Variants in ADGRL3 observed in about 807,000 individuals in gnomAD.
The protein encoded by ADGRL3 is adhesion G protein-coupled receptor L3, also known as calcium-independent alpha-latrotoxin receptor 3.
A neutral mutation model predicts 153.5 loss-of-function variants in ADGRL3; 62 were observed. The ratio of observed to expected loss-of-function variants is 0.40; its 90% CI spans 0.33 to 0.50. ADGRL3 has a LOEUF of 0.50. ADGRL3 is among the 20% of genes least tolerant of loss of function. The probability of loss-of-function intolerance (pLI) is 0.47; values close to 1 mark genes in which losing one functional copy is unlikely to be tolerated. For missense variants in ADGRL3, 1,641 were observed against 1,859.4 expected, an observed-to-expected ratio of 0.88 and a Z score of 2.16; for synonymous variants, 710 against 672.5, an observed-to-expected ratio of 1.06 and a Z score of -0.86.
At chr4:61,744,831 G>A (rs1200359710) in intron 8 of ADGRL3, among the ~76,000 whole-genome samples, 1 of 152,222 alleles carries the variant, frequency 6.6e-6, no homozygotes, top group African/African-American at 2.4e-5. Context: ...AAGGAATGCA[G>A]CTCCTCACCA....
intron 8 of ADGRL3, among the ~76,000 whole-genome samples, chr4:61,805,355 C>G (rs878972630): frequency 6.6e-6 from 1 of 152,222 alleles, no homozygotes; most frequent in Admixed American, 6.5e-5. Context: ...TTTTTCTTAG[C>G]CTGCCAAGAT....
chr4:61,439,255 TG>T (rs1351668628), intron 2 of ADGRL3, among the ~76,000 whole-genome samples: 1 of 152,166 alleles, frequency 6.6e-6, no homozygotes, highest in Admixed American at 6.5e-5. Flanking sequence ...ATTTATTAAT[TG>T]TGAGGCCACT....
intron 1 of ADGRL3, among the ~76,000 whole-genome samples, chr4:61,339,211 G>A (rs149044848): frequency 2.1e-4 from 32 of 152,192 alleles, no homozygotes; most frequent in African/African-American, 6.3e-4. Flanking sequence ...GGTTTATTTT[G>A]AGGTTTGATG....
chr4:61,907,959 T>C (rs2149792878), intron 11 of ADGRL3, among the ~76,000 whole-genome samples: 1 of 152,242 alleles, frequency 6.6e-6, no homozygotes, highest in East Asian at 1.9e-4. Context: ...GGAGTTACTG[T>C]GGTTGGAAGG....
At chr4:61,540,346 C>G (rs922137047) in intron 4 of ADGRL3, among the ~76,000 whole-genome samples, 6 of 152,036 alleles carry the variant, frequency 3.9e-5, no homozygotes, top group African/African-American at 1.4e-4. Context: ...GTCAGGAGTT[C>G]AACACCAGCC....
chr4:61,427,421 A>G (rs372743368), intron 2 of ADGRL3: 1 of 152,930 alleles, frequency 6.5e-6, no homozygotes, highest in Admixed American at 6.5e-5. Context: ...CAACTTTTCC[A>G]TTTCAGAGGC....
intron 1 of ADGRL3, among the ~76,000 whole-genome samples, chr4:61,294,127 G>C (rs1414403197): frequency 6.6e-6 from 1 of 152,082 alleles, no homozygotes; most frequent in Non-Finnish European, 1.5e-5. Context: ...ATCTTGTTCT[G>C]AGCTAGCTGT....
intron 1 of ADGRL3, among the ~76,000 whole-genome samples, chr4:61,356,573 A>G (rs544805774): frequency 6.6e-6 from 1 of 152,072 alleles, no homozygotes; most frequent in Admixed American, 6.5e-5. Flanking sequence ...GCACTTTGTA[A>G]TACTGCAGTG....
At chr4:62,049,383 AT>A (rs1732914720) in intron 25 of ADGRL3, among the ~76,000 whole-genome samples, 1 of 152,100 alleles carries the variant, frequency 6.6e-6, no homozygotes, top group African/African-American at 2.4e-5. Context: ...ACACAAGTTA[AT>A]TTGATTTAGA....
At chr4:61,266,865 C>T (rs988270121) in intron 1 of ADGRL3, among the ~76,000 whole-genome samples, 1 of 151,556 alleles carries the variant, frequency 6.6e-6, no homozygotes. Flanking sequence ...AGGAACGTTG[C>T]TGCAATAAGG....
intron 9 of ADGRL3, among the ~76,000 whole-genome samples, chr4:61,826,434 C>G (rs1289597083): frequency 6.6e-6 from 1 of 152,106 alleles, no homozygotes; most frequent in Admixed American, 6.6e-5. Context: ...ATGGAGTACA[C>G]ATTCTAGACA....
intron 2 of ADGRL3, among the ~76,000 whole-genome samples, chr4:61,415,764 C>CT (rs573774932): frequency 7.9e-5 from 12 of 151,666 alleles, no homozygotes; most frequent in East Asian, 1.9e-4. Context: ...ACTAAATTAT[C>CT]TTTTTTTTCA....
At position 61,733,139 on chromosome 4, in the gene ADGRL3, A is replaced by T; in HGVS notation, c.984A>T (p.Lys328Asn). ...HDTSPYRWGGKSDIDLAVDEN... is the reference protein window; with the variant it reads ...HDTSPYRWGGNSDIDLAVDEN... Reference sequence around the variant, plus strand: ...CCTCCCCTTACCGATGGGGAGGCAAATCTGACATAGACCTGGCAGTAGATG... The same window carrying T: ...CCTCCCCTTACCGATGGGGAGGCAATTCTGACATAGACCTGGCAGTAGATG... The change falls in exon 8 of 27, where the codon AAA becomes AAT. Residue 328 changes from lysine (K) to asparagine (N), a missense_variant. Lys to Asn is a moderately conservative substitution (Grantham distance 94). Coordinates refer to ENST00000683033, the MANE Select transcript of ADGRL3 (RefSeq NM_001387552.1). 1 of 1,613,280 alleles carries T rather than the reference A, an allele frequency of 6.2e-7. No individual in the cohort carries two copies. The highest frequency in any genetic ancestry group is 8.5e-7 in the Non-Finnish European group (1 of 1,179,610).
intron 8 of ADGRL3, among the ~76,000 whole-genome samples, chr4:61,745,271 T>C (rs963023367): frequency 6.6e-6 from 1 of 152,172 alleles, no homozygotes; most frequent in East Asian, 1.9e-4. Context: ...TGGAACCAAG[T>C]TGGAAAACAC....
At position 61,847,454 on chromosome 4, in the gene ADGRL3, A is replaced by C. The variant is rs1439571176; in HGVS notation, c.1480+33565A>C. 6.0e-5 allele frequency among the ~76,000 whole-genome samples: 9 copies of C among 148,928 alleles called. No homozygotes were observed. The East Asian group carries it at 1.6e-3, about 26-fold the overall frequency. Reference sequence around the variant, plus strand: ...ATTTTAAAAAATGTCTGCAAACCTAAGGGGCAGGGTATGTGTGTACTACAT... The same window carrying C: ...ATTTTAAAAAATGTCTGCAAACCTACGGGGCAGGGTATGTGTGTACTACAT... On this transcript the variant is annotated intron_variant, in intron 9 of 26. Coordinates refer to ENST00000683033, the MANE Select transcript of ADGRL3 (RefSeq NM_001387552.1).
chr4:62,017,715 A>G (rs1414417266), intron 21 of ADGRL3, among the ~76,000 whole-genome samples: 1 of 152,120 alleles, frequency 6.6e-6, no homozygotes, highest in Non-Finnish European at 1.5e-5. Flanking sequence ...GACTCATTCA[A>G]GTTTTTCTTG....
At chr4:61,355,151 C>T (rs930783390) in intron 1 of ADGRL3, among the ~76,000 whole-genome samples, 12 of 152,016 alleles carry the variant, frequency 7.9e-5, no homozygotes, top group Admixed American at 4.6e-4. Flanking sequence ...TCAATGTTCT[C>T]ATATTAAAAT....
chr4:61,297,564 A>AT (rs930555254), intron 1 of ADGRL3, among the ~76,000 whole-genome samples: 11 of 151,394 alleles, frequency 7.3e-5, no homozygotes, highest in South Asian at 2.1e-4. Flanking sequence ...TTAACAAAAC[A>AT]TTTTTTTTCC....
chr4:61,238,968 T>G (rs1212965975), intron 1 of ADGRL3, among the ~76,000 whole-genome samples: 1 of 152,122 alleles, frequency 6.6e-6, no homozygotes, highest in African/African-American at 2.4e-5. Context: ...ATTCCGGAGC[T>G]GCAGGCTTTT....
Sources: gnomAD v4.1 joint callset for allele counts (sites outside exome capture counted in the v4.1 genomes callset) on GRCh38, gnomAD v4.1.1 for gene constraint, MANE v1.5 for transcripts, NCBI Gene and HGNC (gene_info 2026-07-23, HGNC 2026-07-21) for gene names.